ZRANB3: variants seen among roughly 807,000 people sequenced by gnomAD.
ZRANB3 encodes DNA annealing helicase and endonuclease ZRANB3.
ZRANB3 carries 125 observed loss-of-function variants against 133.8 expected under a neutral mutation model. The ratio of observed to expected loss-of-function variants is 0.93; its 90% CI spans 0.81 to 1.08. The LOEUF (loss-of-function observed/expected upper bound fraction) is 1.08. Among genes scored for constraint, ZRANB3 ranks in the 50% least tolerant of loss-of-function variants. The pLI is 0.00. For synonymous variants in ZRANB3, 387 were observed against 432.7 expected (o/e 0.89, Z 1.31); for missense variants, 1,229 against 1,275.5 (o/e 0.96, Z 0.56).
intron 2 of ZRANB3, among the ~76,000 whole-genome samples, chr2:135,468,814 T>C (rs1691120016): frequency 6.6e-6 from 1 of 152,168 alleles, no homozygotes; most frequent in Non-Finnish European, 1.5e-5. Flanking sequence ...ACAGACATAT[T>C]TGCAAACAAT....
At chr2:135,477,097 A>G (rs1431333764) in intron 2 of ZRANB3, among the ~76,000 whole-genome samples, 1 of 152,132 alleles carries the variant, frequency 6.6e-6, no homozygotes, top group African/African-American at 2.4e-5. Context: ...CTTTTTAATT[A>G]GTGATTTTAA....
chr2:135,290,245 G>C (rs571425600), intron 8 of ZRANB3, among the ~76,000 whole-genome samples: 1 of 152,200 alleles, frequency 6.6e-6, no homozygotes, highest in East Asian at 1.9e-4. Flanking sequence ...CTTAGGTATA[G>C]TAGTAATTGT....
chr2:135,225,084 G>T (rs1256794251), intron 14 of ZRANB3, among the ~76,000 whole-genome samples: 1 of 152,134 alleles, frequency 6.6e-6, no homozygotes, highest in Non-Finnish European at 1.5e-5. Context: ...GATTATCAAC[G>T]CAGGTCTAAA....
chr2:135,319,575 A>G (rs1046661808), intron 6 of ZRANB3, among the ~76,000 whole-genome samples: 1 of 152,214 alleles, frequency 6.6e-6, no homozygotes, highest in Non-Finnish European at 1.5e-5. Context: ...AATATAAGCT[A>G]TAAGAATTGA....
chr2:135,227,080 A>G (rs1694784698), intron 14 of ZRANB3, among the ~76,000 whole-genome samples: 1 of 152,238 alleles, frequency 6.6e-6, no homozygotes, highest in African/African-American at 2.4e-5. Context: ...AAGCTTCAAC[A>G]GTCTCATCCC....
intron 12 of ZRANB3, among the ~76,000 whole-genome samples, chr2:135,246,648 G>A (rs954589673): frequency 6.6e-6 from 1 of 152,158 alleles, no homozygotes; most frequent in Admixed American, 6.6e-5. Context: ...ACACGCCCAT[G>A]TCATAAGGAA....
At chr2:135,291,559 CTTTTT>C (rs1433065491) in intron 8 of ZRANB3, among the ~76,000 whole-genome samples, 2 of 151,118 alleles carry the variant, frequency 1.3e-5, no homozygotes, top group African/African-American at 4.9e-5. Flanking sequence ...TTTAAAAATT[CTTTTT>C]ATTTTTTATT....
intron 2 of ZRANB3, among the ~76,000 whole-genome samples, chr2:135,418,118 A>T (rs1688671890): frequency 6.6e-6 from 1 of 152,200 alleles, no homozygotes; most frequent in East Asian, 1.9e-4. Context: ...AATAATAATA[A>T]AAACAAACAA....
rs757441732 is a variant in ZRANB3 at position 135,227,810 on chromosome 2, A to T, written c.2158+2T>A. ...GATGCTAGAAATGGAAACAAGACTT[A>T]CCATTACCTGGCTGGGATGTAAGTC... On this transcript the variant is annotated splice_donor_variant, in intron 14 of 20. Transcript: ENST00000264159. LOFTEE classifies it high-confidence loss of function. The T allele has an allele frequency of 6.4e-7, 1 of 1,567,020 alleles. No individual in the cohort carries two copies.
chr2:135,320,243 C>T (rs143135084), intron 6 of ZRANB3, among the ~76,000 whole-genome samples: 1 of 152,212 alleles, frequency 6.6e-6, no homozygotes, highest in East Asian at 1.9e-4. Context: ...TCCATAGTTG[C>T]ATGGGAAGGA....
chr2:135,312,399 A>G (rs2104823177), intron 8 of ZRANB3, among the ~76,000 whole-genome samples: 1 of 152,020 alleles, frequency 6.6e-6, no homozygotes, highest in Admixed American at 6.6e-5. Context: ...CACTTTATGT[A>G]AATATACCTC....
At chr2:135,303,270 A>G (rs1300405898) in intron 8 of ZRANB3, among the ~76,000 whole-genome samples, 1 of 152,080 alleles carries the variant, frequency 6.6e-6, no homozygotes, top group Non-Finnish European at 1.5e-5. Context: ...TGCTTTTTGT[A>G]TCCTGTCTAA....
At chr2:135,344,784 T>C (rs1340322222) in intron 6 of ZRANB3, among the ~76,000 whole-genome samples, 1 of 151,982 alleles carries the variant, frequency 6.6e-6, no homozygotes, top group Non-Finnish European at 1.5e-5. Flanking sequence ...TCAAAGCTCT[T>C]TGAGTAACTG....
At chr2:135,414,286 A>C (rs571804834) in intron 2 of ZRANB3, among the ~76,000 whole-genome samples, 162 of 152,248 alleles carry the variant, frequency 1.1e-3, no homozygotes, top group Admixed American at 2.7e-3. Context: ...AAAACAAAAA[A>C]AGGCAGGGGT....
chr2:135,455,483 C>T (rs377184584), intron 2 of ZRANB3, among the ~76,000 whole-genome samples: 9 of 151,348 alleles, frequency 5.9e-5, no homozygotes, highest in Non-Finnish European at 7.4e-5. Context: ...CCACCATGGC[C>T]GGCCGACTTC....
intron 2 of ZRANB3, among the ~76,000 whole-genome samples, chr2:135,456,340 G>T: frequency 6.6e-6 from 1 of 152,290 alleles, no homozygotes; most frequent in Non-Finnish European, 1.5e-5. Flanking sequence ...GGAATAGCAA[G>T]AAAACACATG....
At chr2:135,509,800 T>A (rs1358387705) in intron 1 of ZRANB3, among the ~76,000 whole-genome samples, 1 of 152,170 alleles carries the variant, frequency 6.6e-6, no homozygotes, top group Non-Finnish European at 1.5e-5. Context: ...TGATCCTATA[T>A]CAAAAGAAAA....
chr2:135,334,826 C>T (rs553387153), intron 6 of ZRANB3, among the ~76,000 whole-genome samples: 33 of 152,066 alleles, frequency 2.2e-4, no homozygotes, highest in East Asian at 7.7e-4. Flanking sequence ...ACCTGGGAGG[C>T]GGAGGTTGCA....
At chr2:135,504,019 A>G (rs1237505301) in intron 2 of ZRANB3, among the ~76,000 whole-genome samples, 1 of 152,202 alleles carries the variant, frequency 6.6e-6, no homozygotes, top group Non-Finnish European at 1.5e-5. Flanking sequence ...CGATGGAAAT[A>G]AGTTGAATTA....
Sources: gnomAD v4.1 joint callset for allele counts (sites outside exome capture counted in the v4.1 genomes callset) on GRCh38, gnomAD v4.1.1 for gene constraint, MANE v1.5 for transcripts, NCBI Gene and HGNC (gene_info 2026-07-23, HGNC 2026-07-21) for gene names.